Variants in PTPRD observed in about 807,000 individuals in gnomAD.
The protein encoded by PTPRD is receptor-type tyrosine-protein phosphatase delta.
A neutral mutation model predicts 214.5 loss-of-function variants in PTPRD; 34 were observed. The observed-to-expected ratio is 0.16, with a 90% CI of 0.12 to 0.21. The LOEUF is 0.21. PTPRD is among the 10% of genes least tolerant of loss of function. PTPRD has a pLI of 1.00. For missense variants in PTPRD, 2,545 were observed against 2,398.7 expected (o/e 1.06, Z -1.27); for synonymous variants, 1,128 against 845.7 (o/e 1.33, Z -5.79).
chr9:10,113,679 G>C (rs1269432003), intron 3 of PTPRD, among the ~76,000 whole-genome samples: 1 of 152,140 alleles, frequency 6.6e-6, no homozygotes, highest in Non-Finnish European at 1.5e-5. Context: ...TATCAGTTAA[G>C]TTTGGCAAAC....
At chr9:9,802,443 A>C (rs10977995) in intron 5 of PTPRD, among the ~76,000 whole-genome samples, 20,439 of 151,898 alleles carry the variant, frequency 0.13, 1,795 homozygotes, top group Non-Finnish European at 0.19. Flanking sequence ...TTTGCTCCTA[A>C]ATTAGCCACA....
At chr9:9,763,413 G>A (rs1192940067) in intron 6 of PTPRD, among the ~76,000 whole-genome samples, 4 of 151,642 alleles carry the variant, frequency 2.6e-5, no homozygotes, top group African/African-American at 9.7e-5. Flanking sequence ...GTATTAAAGG[G>A]GTATGGTATT....
At chr9:9,495,628 C>T (rs1462209351) in intron 8 of PTPRD, among the ~76,000 whole-genome samples, 2 of 152,058 alleles carry the variant, frequency 1.3e-5, no homozygotes, top group African/African-American at 4.8e-5. Flanking sequence ...GATGATCTGC[C>T]CTTCCCATCC....
intron 9 of PTPRD, among the ~76,000 whole-genome samples, chr9:9,265,458 T>A (rs1016998770): frequency 6.6e-6 from 1 of 151,420 alleles, no homozygotes; most frequent in African/African-American, 2.4e-5. Context: ...TGGGTCTTGC[T>A]GTGTTGCCCA....
At chr9:8,666,591 A>C (rs2097175145) in intron 12 of PTPRD, among the ~76,000 whole-genome samples, 1 of 152,172 alleles carries the variant, frequency 6.6e-6, no homozygotes. Context: ...AATATCTAAA[A>C]ATTTGTTCTA....
At chr9:10,090,917 TATACACACACACACAC>T (rs1434359380) in intron 3 of PTPRD, among the ~76,000 whole-genome samples, 6 of 52,976 alleles carry the variant, frequency 1.1e-4, no homozygotes, top group Non-Finnish European at 2.1e-4. Context: ...ATAAATGAAA[TATACACACACACACAC>T]ACACACACAC....
intron 14 of PTPRD, among the ~76,000 whole-genome samples, chr9:8,629,916 TA>T (rs1416522513): frequency 1.3e-5 from 2 of 151,594 alleles, no homozygotes; most frequent in Non-Finnish European, 3.0e-5. Flanking sequence ...TTTTTGAGAG[TA>T]AGGGTAATTT....
intron 9 of PTPRD, among the ~76,000 whole-genome samples, chr9:9,354,491 A>T (rs73641490): frequency 0.011 from 1,645 of 150,924 alleles, 23 homozygotes; most frequent in African/African-American, 0.038. Context: ...TTACAATTCA[A>T]TAACTTTTCA....
intron 3 of PTPRD, among the ~76,000 whole-genome samples, chr9:10,139,799 C>G (rs1349121959): frequency 6.6e-6 from 1 of 151,914 alleles, no homozygotes; most frequent in East Asian, 1.9e-4. Flanking sequence ...CAAAGATTCC[C>G]TATTCAATAA....
At chr9:8,321,232 TCCAGAGTCTATCTTACCTTG>T (rs975350840) in intron 44 of PTPRD, among the ~76,000 whole-genome samples, 32 of 151,756 alleles carry the variant, frequency 2.1e-4, no homozygotes, top group African/African-American at 5.1e-4. Context: ...ATCTAGGTAC[TCCAGAGTCTATCTTACCTTG>T]CCAGAGTCTA....
At chr9:9,160,281 C>G (rs147000772) in intron 10 of PTPRD, among the ~76,000 whole-genome samples, 14 of 152,112 alleles carry the variant, frequency 9.2e-5, no homozygotes, top group African/African-American at 3.4e-4. Context: ...AAAATATTTG[C>G]AAACCATTAA....
At chr9:8,708,546 G>C (rs1000758071) in intron 12 of PTPRD, among the ~76,000 whole-genome samples, 1 of 151,826 alleles carries the variant, frequency 6.6e-6, no homozygotes, top group East Asian at 1.9e-4. Flanking sequence ...GGGCATGGTG[G>C]TGGGCACCTG....
At chr9:9,714,053 C>A (rs374133929) in intron 7 of PTPRD, among the ~76,000 whole-genome samples, 100 of 148,084 alleles carry the variant, frequency 6.8e-4, no homozygotes, top group African/African-American at 2.4e-3. Flanking sequence ...GCACAATGAC[C>A]CCAGTACATC....
At chr9:8,951,011 T>C (rs1355130404) in intron 11 of PTPRD, among the ~76,000 whole-genome samples, 1 of 152,140 alleles carries the variant, frequency 6.6e-6, no homozygotes, top group Non-Finnish European at 1.5e-5. Flanking sequence ...GAAGAGTTCA[T>C]TATTTAAAGA....
At chr9:9,521,126 C>A (rs2096960985) in intron 8 of PTPRD, among the ~76,000 whole-genome samples, 1 of 152,120 alleles carries the variant, frequency 6.6e-6, no homozygotes, top group South Asian at 2.1e-4. Context: ...AACTAAAGAG[C>A]CCAAACCTGT....
At chr9:8,758,761 CTTT>C (rs35398834) in intron 11 of PTPRD, among the ~76,000 whole-genome samples, 1 of 145,032 alleles carries the variant, frequency 6.9e-6, no homozygotes, top group Non-Finnish European at 1.5e-5. Context: ...AGAAAATAAC[CTTT>C]TTTTTTTTTT....
chr9:10,566,433 G>C (rs191363385), intron 2 of PTPRD, among the ~76,000 whole-genome samples: 1 of 152,044 alleles, frequency 6.6e-6, no homozygotes, highest in African/African-American at 2.4e-5. Flanking sequence ...AGTATTGTTA[G>C]ACTTAAAAAA....
At chr9:9,056,233 A>G (rs1395306197) in intron 10 of PTPRD, among the ~76,000 whole-genome samples, 1 of 152,228 alleles carries the variant, frequency 6.6e-6, no homozygotes, top group East Asian at 1.9e-4. Context: ...AATAATGCGT[A>G]TGTGAGAAAA....
chr9:10,342,103 C>A (rs970495951), intron 2 of PTPRD, among the ~76,000 whole-genome samples: 1 of 151,900 alleles, frequency 6.6e-6, no homozygotes, highest in African/African-American at 2.4e-5. Flanking sequence ...GTCTTTTTGG[C>A]CCAAAGAAAC....
Sources: gnomAD v4.1 joint callset for allele counts (sites outside exome capture counted in the v4.1 genomes callset) on GRCh38, gnomAD v4.1.1 for gene constraint, MANE v1.5 for transcripts, NCBI Gene and HGNC (gene_info 2026-07-23, HGNC 2026-07-21) for gene names.